The following SMG7 variants were observed in gnomAD, a reference collection of about 807,000 sequenced individuals.
SMG7 encodes nonsense-mediated mRNA decay factor SMG7.
Under a neutral mutation model 148.2 loss-of-function variants are expected in SMG7, and 34 were observed. That is an observed-to-expected ratio of 0.23 (90% confidence interval 0.17 to 0.31). The LOEUF (loss-of-function observed/expected upper bound fraction) is 0.31. Ranked by LOEUF, SMG7 falls within the 10% of genes least tolerant of loss-of-function variation. The pLI, the probability that SMG7 is intolerant of heterozygous loss-of-function variation, is 1.00. For synonymous variants in SMG7, 492 were observed against 515.1 expected, an observed-to-expected ratio of 0.96 and a Z score of 0.61; for missense variants, 1,114 against 1,408.4, an observed-to-expected ratio of 0.79 and a Z score of 3.35.
chr1:183,474,749 G>T (rs1288895078), intron 1 of SMG7, among the ~76,000 whole-genome samples: 6 of 152,156 alleles, frequency 3.9e-5, no homozygotes, highest in Non-Finnish European at 8.8e-5. Flanking sequence ...CAACATCTGA[G>T]AATAGAAAAA....
intron 4 of SMG7, among the ~76,000 whole-genome samples, chr1:183,522,351 G>A (rs1664942010): frequency 6.6e-6 from 1 of 152,144 alleles, no homozygotes; most frequent in African/African-American, 2.4e-5. Context: ...TCAAGAAAAT[G>A]AGAGAGAGAA....
chr1:183,545,338 C>T (rs1488973629), intron 16 of SMG7, 26 bp downstream of exon 16: 2 of 1,588,528 alleles, frequency 1.3e-6, no homozygotes, highest in Non-Finnish European at 1.7e-6. Flanking sequence ...GTGTACTATC[C>T]AGCTGAATGA....
chr1:183,533,390 C>T (rs1002252093), intron 9 of SMG7, 64 bp downstream of exon 9: 28 of 1,492,146 alleles, frequency 1.9e-5, no homozygotes, highest in Admixed American at 7.2e-5. Flanking sequence ...GGCATTTCAT[C>T]GATGTAGCAA....
Position 183,500,922 on chromosome 1 carries a change from A to G in SMG7, c.30-11915A>G, listed in dbSNP as rs115230594. ...ATATTTTCTCTCATTCTTTTCCACT[A>G]AAGTGCGACTAAAGTCACAGGAGAT... On this transcript the variant is annotated intron_variant, in intron 1 of 22. Transcript: ENST00000688051. Among the ~76,000 whole-genome samples, 459 of 152,340 alleles carry G rather than the reference A, an allele frequency of 3.0e-3. 2 individuals carry two copies. Among genetic ancestry groups the G allele is most frequent in the African/African-American group, 0.011 (438 of 41,582 alleles).
intron 4 of SMG7, among the ~76,000 whole-genome samples, chr1:183,520,692 C>T (rs1006099352): frequency 6.6e-6 from 1 of 152,070 alleles, no homozygotes; most frequent in Admixed American, 6.6e-5. Flanking sequence ...AAAAATGATT[C>T]TTAATCTTTT....
At chr1:183,533,970 T>C in intron 10 of SMG7, 138 bp downstream of exon 10, 1 of 651,350 alleles carries the variant, frequency 1.5e-6, no homozygotes, top group South Asian at 2.2e-5. Context: ...GGAATTGAAC[T>C]GAAGACCTCT....
At chr1:183,509,165 C>T (rs1661608475) in intron 1 of SMG7, among the ~76,000 whole-genome samples, 1 of 152,088 alleles carries the variant, frequency 6.6e-6, no homozygotes, top group Non-Finnish European at 1.5e-5. Flanking sequence ...ATAAAACTGT[C>T]TTCACAAAAA....
rs374570744 is a variant in SMG7 at position 183,497,331 on chromosome 1, A to G, written c.30-15506A>G. 1.8e-4 allele frequency among the ~76,000 whole-genome samples: 28 copies of G among 152,270 alleles called. No homozygotes were observed. The East Asian group carries it at 5.4e-3, about 29-fold the overall frequency. On this transcript the variant is annotated intron_variant, in intron 1 of 22. Coordinates refer to ENST00000688051, the MANE Select transcript of SMG7 (RefSeq NM_001375584.1). The stretch of plus-strand genomic sequence containing the variant: ...AGTGGTCTGTCATCCTCAGCTTCAT[A>G]GTGTTTTGATGGTGTTCCAAAAGGG...
intron 1 of SMG7, chr1:183,502,305 C>T: frequency 6.5e-7 from 1 of 1,534,304 alleles, no homozygotes; most frequent in Non-Finnish European, 8.7e-7. Context: ...TGCAGATAGT[C>T]ATTGTGGGAG....
intron 1 of SMG7, among the ~76,000 whole-genome samples, chr1:183,495,424 A>G (rs1298994548): frequency 6.6e-6 from 1 of 152,170 alleles, no homozygotes; most frequent in Non-Finnish European, 1.5e-5. Flanking sequence ...TTTGTTTTAC[A>G]TTATGTTGAG....
At position 183,534,845 on chromosome 1, in the gene SMG7, T is replaced by C. The variant is rs529486016; in HGVS notation, c.1163+1013T>C. Among the ~76,000 whole-genome samples the C allele has an allele frequency of 9.3e-5, 14 of 149,972 alleles. No individual in the cohort carries two copies. The South Asian group carries it at 2.7e-3, about 29-fold the overall frequency. On this transcript the variant is annotated intron_variant, in intron 10 of 22. Coordinates refer to ENST00000688051, the MANE Select transcript of SMG7 (RefSeq NM_001375584.1). Reference sequence around the variant, plus strand: ...TCGCGCCATTGTACTCCAGCCTGTCTCAAAAAAAAAAAAAGAAAGACCTTA... The same window carrying C: ...TCGCGCCATTGTACTCCAGCCTGTCCCAAAAAAAAAAAAAGAAAGACCTTA...
At chr1:183,532,532 T>C (rs1421886318) in intron 8 of SMG7, among the ~76,000 whole-genome samples, 1 of 152,222 alleles carries the variant, frequency 6.6e-6, no homozygotes, top group Admixed American at 6.5e-5. Context: ...TGATCACGCA[T>C]GTACTTCTCT....
At chr1:183,506,097 A>G (rs1660829775) in intron 1 of SMG7, among the ~76,000 whole-genome samples, 1 of 152,096 alleles carries the variant, frequency 6.6e-6, no homozygotes, top group South Asian at 2.1e-4. Flanking sequence ...ATGCTCACTC[A>G]CTAGCTTAGC....
intron 8 of SMG7, among the ~76,000 whole-genome samples, chr1:183,530,160 G>A (rs943497386): frequency 1.3e-5 from 2 of 151,670 alleles, no homozygotes; most frequent in South Asian, 2.1e-4. Context: ...ACTACTCATC[G>A]GTCATTGTTT....
chr1:183,533,351 T>C (rs1296482800), intron 9 of SMG7, 25 bp downstream of exon 9: 1 of 1,598,382 alleles, frequency 6.3e-7, no homozygotes, highest in African/African-American at 1.3e-5. Context: ...ACTTAACATG[T>C]GCCATCTTTT....
chr1:183,538,198 G>A (rs1668140609), intron 11 of SMG7, among the ~76,000 whole-genome samples, 182 bp from the exon 12 acceptor site: 1 of 152,134 alleles, frequency 6.6e-6, no homozygotes, highest in Non-Finnish European at 1.5e-5. Flanking sequence ...GTGTCCCAAA[G>A]ATAACATGCA....
chr1:183,549,751 T>G lies in SMG7; in HGVS notation c.2974-13T>G. ...TTGGGGTGAGTTTATAACTTCACTG[T>G]CATGTCTTTCAGGAAAGATACCCAA... On this transcript the variant is annotated splice_polypyrimidine_tract_variant and intron_variant, in intron 19 of 22. Coordinates refer to ENST00000688051, the MANE Select transcript of SMG7 (RefSeq NM_001375584.1). The G allele has an allele frequency of 6.2e-7, 1 of 1,610,970 alleles. No individual in the cohort carries two copies. The highest frequency in any genetic ancestry group is 1.1e-5 in the South Asian group (1 of 90,996).
At chr1:183,477,407 T>A (rs1652525167) in intron 1 of SMG7, among the ~76,000 whole-genome samples, 1 of 151,958 alleles carries the variant, frequency 6.6e-6, no homozygotes. Flanking sequence ...TTTGTGTGTG[T>A]GTGTGTGTGT....
At chr1:183,518,467 T>C (rs912646010) in intron 4 of SMG7, 1 of 152,202 alleles carries the variant, frequency 6.6e-6, no homozygotes, top group African/African-American at 2.4e-5. Context: ...AAATAATAGC[T>C]ATGTTGCGCC....
Sources: allele counts gnomAD v4.1 joint callset (sites outside exome capture counted in the v4.1 genomes callset), GRCh38; gene constraint gnomAD v4.1.1; transcripts MANE v1.5; gene names NCBI Gene and HGNC (gene_info 2026-07-23, HGNC 2026-07-21).